The following CEP70 variants were observed in gnomAD, a reference collection of about 807,000 sequenced individuals.
The protein encoded by CEP70 is centrosomal protein of 70 kDa.
A neutral mutation model predicts 90.9 loss-of-function variants in CEP70; 70 were observed. That is an observed-to-expected ratio of 0.77 (90% CI 0.64 to 0.94). CEP70 has a LOEUF of 0.94. CEP70 is among the 40% of genes least tolerant of loss of function. CEP70 has a pLI of 0.00. For synonymous variants in CEP70, 220 were observed against 228.3 expected (o/e 0.96, Z 0.33); for missense variants, 648 against 669.0 (o/e 0.97, Z 0.35).
chr3:138,532,010 T>C (rs887645187), intron 8 of CEP70, among the ~76,000 whole-genome samples: 3 of 152,218 alleles, frequency 2.0e-5, no homozygotes, highest in Admixed American at 6.5e-5. Context: ...ATATCTTAGA[T>C]ATCCTTCAGC....
chr3:138,589,393 G>A (rs1403484883), intron 2 of CEP70, among the ~76,000 whole-genome samples: 2 of 151,828 alleles, frequency 1.3e-5, no homozygotes, highest in East Asian at 1.9e-4. Context: ...AGTGGCTCAT[G>A]CCTGTAATCT....
intron 6 of CEP70, among the ~76,000 whole-genome samples, chr3:138,551,430 G>A (rs1318012245): frequency 6.6e-6 from 1 of 151,936 alleles, no homozygotes; most frequent in Admixed American, 6.6e-5. Context: ...AATGTCACAG[G>A]ACCTATAAAA....
intron 16 of CEP70, among the ~76,000 whole-genome samples, chr3:138,498,338 CTTT>C (rs200581423): frequency 7.4e-5 from 10 of 135,868 alleles, no homozygotes; most frequent in Non-Finnish European, 8.0e-5. Flanking sequence ...ATATAACATT[CTTT>C]TTTTTTTTTT....
rs190646829 is a variant in CEP70, at chr3:138,503,727, A to G, written c.1221+1568T>C. ...GCCTCCTCCTCCTCCTCAGAAAACC[A>G]TACAATAGCAAGAACTCACCACCAT... On this transcript the variant is annotated intron_variant, in intron 13 of 17. Transcript: ENST00000264982. 9.7e-4 allele frequency among the ~76,000 whole-genome samples: 148 copies of G among 152,250 alleles called. 1 individual carries two copies. The highest frequency in any genetic ancestry group is 3.5e-3 in the Admixed American group (53 of 15,278).
intron 13 of CEP70, 78 bp from the exon 14 acceptor site, chr3:138,500,959 AATT>A: frequency 1.7e-6 from 1 of 579,718 alleles, no homozygotes; most frequent in Non-Finnish European, 2.6e-6. Flanking sequence ...TAATTAGTAA[AATT>A]ATAAGTTTTA....
intron 2 of CEP70, among the ~76,000 whole-genome samples, chr3:138,590,194 A>G (rs1309161744): frequency 6.6e-6 from 1 of 152,154 alleles, no homozygotes; most frequent in Non-Finnish European, 1.5e-5. Flanking sequence ...TGATACTGTC[A>G]TATGTATAAT....
chr3:138,503,393 A>G (rs1277552097), intron 13 of CEP70, among the ~76,000 whole-genome samples: 1 of 152,168 alleles, frequency 6.6e-6, no homozygotes, highest in Non-Finnish European at 1.5e-5. Flanking sequence ...ATATGTATAT[A>G]CCACATTTTG....
intron 11 of CEP70, among the ~76,000 whole-genome samples, chr3:138,510,718 T>C (rs976823417): frequency 2.0e-5 from 3 of 151,868 alleles, no homozygotes; most frequent in Admixed American, 1.3e-4. Context: ...ACTACAGTAG[T>C]CCCCCCTTGT....
intron 6 of CEP70, among the ~76,000 whole-genome samples, chr3:138,554,950 A>G (rs866040811): frequency 4.6e-5 from 7 of 152,052 alleles, no homozygotes; most frequent in Middle Eastern, 6.3e-3. Context: ...CTCATCTCTG[A>G]CCTTATGCAA....
At chr3:138,582,075 C>A (rs568998419) in intron 2 of CEP70, among the ~76,000 whole-genome samples, 1 of 152,156 alleles carries the variant, frequency 6.6e-6, no homozygotes, top group Non-Finnish European at 1.5e-5. Flanking sequence ...TTCATCAACA[C>A]CAGACCTGGC....
chr3:138,592,050 G>C, intron 1 of CEP70, 94 bp from the exon 2 acceptor site: 1 of 544,478 alleles, frequency 1.8e-6, no homozygotes, highest in East Asian at 3.2e-5. Context: ...GGCATCCAAG[G>C]TACTGGTAAT....
rs1560272743 is a variant in CEP70 at position 138,500,229 on chromosome 3, A to C, written c.1538-5T>G. On this transcript the variant is annotated splice_region_variant and splice_polypyrimidine_tract_variant and intron_variant, in intron 15 of 17. Coordinates refer to ENST00000264982, the MANE Select transcript of CEP70 (RefSeq NM_024491.4). ...CACACAATGAGGATGAACTATCTGC[A>C]AAAGAGAAATAAAAGGATATTTTAA... is the stretch of plus-strand genomic sequence containing the variant. 1.3e-6 allele frequency: 2 copies of C among 1,596,892 alleles called. No homozygotes were observed. The highest frequency in any genetic ancestry group is 2.2e-5 in the South Asian group (2 of 90,150).
At chr3:138,517,993 A>G (rs2036211355) in intron 11 of CEP70, among the ~76,000 whole-genome samples, 1 of 152,218 alleles carries the variant, frequency 6.6e-6, no homozygotes, top group South Asian at 2.1e-4. Flanking sequence ...CTAACACTGC[A>G]CTTTTCAAAC....
At chr3:138,516,473 C>A (rs1309784675) in intron 11 of CEP70, among the ~76,000 whole-genome samples, 1 of 152,034 alleles carries the variant, frequency 6.6e-6, no homozygotes, top group African/African-American at 2.4e-5. Flanking sequence ...GCAGCCTTGA[C>A]CTCCTGGGCT....
At chr3:138,555,109 C>T (rs746692639) in intron 6 of CEP70, among the ~76,000 whole-genome samples, 1 of 152,006 alleles carries the variant, frequency 6.6e-6, no homozygotes, top group Non-Finnish European at 1.5e-5. Flanking sequence ...ATTAGCTGGT[C>T]ATGGTGGCAG....
chr3:138,554,374 C>G (rs1254298005), intron 6 of CEP70, among the ~76,000 whole-genome samples: 1 of 151,998 alleles, frequency 6.6e-6, no homozygotes, highest in African/African-American at 2.4e-5. Context: ...GATAAGGATG[C>G]CTACTCTCAC....
At chr3:138,533,664 C>A (rs1344017824) in intron 7 of CEP70, among the ~76,000 whole-genome samples, 1 of 152,196 alleles carries the variant, frequency 6.6e-6, no homozygotes, top group African/African-American at 2.4e-5. Context: ...GTAGGAAGGA[C>A]ACACACCAAA....
chr3:138,502,959 A>G (rs1379543471), intron 13 of CEP70, among the ~76,000 whole-genome samples: 1 of 152,150 alleles, frequency 6.6e-6, no homozygotes, highest in African/African-American at 2.4e-5. Flanking sequence ...CAGGAGGGAA[A>G]AGACACAAGG....
intron 11 of CEP70, among the ~76,000 whole-genome samples, chr3:138,514,231 A>C (rs2035796162): frequency 6.6e-6 from 1 of 152,176 alleles, no homozygotes; most frequent in African/African-American, 2.4e-5. Flanking sequence ...GAATTTCGTC[A>C]AGGCTCCTGG....
Sources: allele counts gnomAD v4.1 joint callset (sites outside exome capture counted in the v4.1 genomes callset), GRCh38; gene constraint gnomAD v4.1.1; transcripts MANE v1.5; gene names NCBI Gene and HGNC (gene_info 2026-07-23, HGNC 2026-07-21).